Variants in ACOXL observed in about 807,000 individuals in gnomAD.
ACOXL encodes acyl-CoA oxidase like.
A neutral mutation model predicts 71.9 loss-of-function variants in ACOXL; 70 were observed. That is an observed-to-expected ratio of 0.97 (90% CI 0.80 to 1.19). ACOXL has a LOEUF of 1.19. Among genes scored for constraint, ACOXL ranks in the 50% most tolerant of loss-of-function variants. The pLI is 0.00. For synonymous variants in ACOXL, 253 were observed against 281.6 expected (o/e 0.90, Z 1.02); for missense variants, 703 against 736.3 (o/e 0.95, Z 0.52).
chr2:110,941,964 C>T (rs2060883687), intron 12 of ACOXL, among the ~76,000 whole-genome samples: 1 of 151,688 alleles, frequency 6.6e-6, no homozygotes, highest in Admixed American at 6.6e-5. Context: ...ACTGCTTAGA[C>T]AAAAATAATA....
At chr2:110,821,052 T>C (rs1430309531) in intron 9 of ACOXL, among the ~76,000 whole-genome samples, 1 of 152,160 alleles carries the variant, frequency 6.6e-6, no homozygotes, top group East Asian at 1.9e-4. Flanking sequence ...GAAAACTCTA[T>C]GGCAAGAACG....
At chr2:110,918,067 T>A (rs1481621793) in intron 11 of ACOXL, among the ~76,000 whole-genome samples, 1 of 152,242 alleles carries the variant, frequency 6.6e-6, no homozygotes, top group Non-Finnish European at 1.5e-5. Context: ...ACTTTAAATT[T>A]CATGTGGAAC....
intron 10 of ACOXL, among the ~76,000 whole-genome samples, chr2:110,850,813 CG>C (rs1432381810): frequency 1.3e-5 from 2 of 152,118 alleles, no homozygotes; most frequent in Non-Finnish European, 2.9e-5. Flanking sequence ...ATTACACTCC[CG>C]GATACTTAAA....
intron 14 of ACOXL, among the ~76,000 whole-genome samples, chr2:111,022,122 G>A (rs748461169): frequency 6.6e-6 from 1 of 152,182 alleles, no homozygotes; most frequent in Non-Finnish European, 1.5e-5. Context: ...GGAGGCCGAC[G>A]CGAGCAGATC....
intron 9 of ACOXL, among the ~76,000 whole-genome samples, chr2:110,829,422 G>A (rs1689560833): frequency 6.6e-6 from 1 of 152,184 alleles, no homozygotes; most frequent in African/African-American, 2.4e-5. Context: ...TCCTCGGGAA[G>A]TTGGTTCTTT....
chr2:111,004,357 C>T (rs10179223), intron 14 of ACOXL, among the ~76,000 whole-genome samples: 11,742 of 152,190 alleles, frequency 0.077, 1,485 homozygotes, highest in African/African-American at 0.27. Flanking sequence ...GCCCCTTACC[C>T]GGGAGCAAGT....
chr2:111,092,929 ACTT>A lies in ACOXL; in HGVS notation c.1506_1508del (p.Tyr502_Leu503delinsTer). On this transcript the variant is annotated stop_gained and inframe_deletion, in exon 17 of 18. Transcript: ENST00000439055. LOFTEE classifies it low-confidence loss of function (END_TRUNC). ...CGGGCCTGGTATTTAGAACATAAAT[ACTT>A]GACTCCCATGGCCAGCACGAGGATC... 6.2e-7 allele frequency: 1 copy of A among 1,614,056 alleles called. No individual in the cohort carries two copies. Among genetic ancestry groups the A allele is most frequent in the Non-Finnish European group, 8.5e-7 (1 of 1,179,992 alleles).
chr2:110,870,739 A>G (rs1393845046), intron 10 of ACOXL, among the ~76,000 whole-genome samples: 1 of 152,188 alleles, frequency 6.6e-6, no homozygotes, highest in Non-Finnish European at 1.5e-5. Context: ...ATTTTTCTAG[A>G]TATGATGTTT....
chr2:111,088,780 A>G (rs942349197), intron 16 of ACOXL, among the ~76,000 whole-genome samples: 3 of 152,170 alleles, frequency 2.0e-5, no homozygotes, highest in African/African-American at 7.2e-5. Context: ...CCTAAAATAA[A>G]AGTTAAAACA....
At chr2:111,117,056 C>A in intron 17 of ACOXL, among the ~76,000 whole-genome samples, 1 of 152,226 alleles carries the variant, frequency 6.6e-6, no homozygotes, top group East Asian at 1.9e-4. Context: ...CGCCGTCTCA[C>A]TGTACTGAAT....
intron 10 of ACOXL, 80 bp from the exon 11 acceptor site, chr2:110,908,709 C>A: frequency 8.9e-7 from 1 of 1,122,756 alleles, no homozygotes; most frequent in Non-Finnish European, 1.3e-6. Flanking sequence ...AAATGGCTAG[C>A]CAGCATTTTT....
chr2:110,769,260 AAG>A (rs1416331298), intron 2 of ACOXL, among the ~76,000 whole-genome samples: 9 of 151,924 alleles, frequency 5.9e-5, no homozygotes, highest in Non-Finnish European at 8.8e-5. Flanking sequence ...GAAAGAAAGA[AAG>A]AAAAAAATAC....
chr2:111,041,780 C>G (rs1048659035), intron 15 of ACOXL, among the ~76,000 whole-genome samples: 1 of 152,202 alleles, frequency 6.6e-6, no homozygotes, highest in African/African-American at 2.4e-5. Flanking sequence ...TGAGCTGTGC[C>G]GTCATCTCTT....
intron 11 of ACOXL, among the ~76,000 whole-genome samples, chr2:110,929,959 G>A (rs1364611297): frequency 6.6e-6 from 1 of 152,228 alleles, no homozygotes; most frequent in Non-Finnish European, 1.5e-5. Flanking sequence ...TGCAGGGGCG[G>A]GGCCCTCATG....
intron 17 of ACOXL, chr2:111,114,084 G>A (rs2070170484): frequency 6.6e-6 from 1 of 152,660 alleles, no homozygotes; most frequent in Non-Finnish European, 1.5e-5. Context: ...CGGTGATAAT[G>A]ACTGATACTT....
chr2:111,103,764 AT>A (rs144201238), intron 17 of ACOXL, among the ~76,000 whole-genome samples: 11,289 of 150,088 alleles, frequency 0.075, 648 homozygotes, highest in East Asian at 0.25. Context: ...TTATTCTGTG[AT>A]TTTTTTTTTA....
At chr2:110,784,668 C>A in intron 2 of ACOXL, 64 bp from the exon 3 acceptor site, 1 of 1,272,608 alleles carries the variant, frequency 7.9e-7, no homozygotes, top group Non-Finnish European at 1.1e-6. Flanking sequence ...CTTATAAAAA[C>A]TGTGAATTTA....
intron 14 of ACOXL, among the ~76,000 whole-genome samples, chr2:110,998,068 C>T (rs2063475746): frequency 6.6e-6 from 1 of 151,794 alleles, no homozygotes; most frequent in Non-Finnish European, 1.5e-5. Flanking sequence ...AATACGGAAG[C>T]TAAAAATATT....
At chr2:111,029,083 C>T (rs2065146664) in intron 14 of ACOXL, among the ~76,000 whole-genome samples, 1 of 152,200 alleles carries the variant, frequency 6.6e-6, no homozygotes, top group Admixed American at 6.5e-5. Flanking sequence ...TCCAGAGCTT[C>T]TGAAGACTTA....
Sources: allele counts gnomAD v4.1 joint callset (sites outside exome capture counted in the v4.1 genomes callset), GRCh38; gene constraint gnomAD v4.1.1; transcripts MANE v1.5; gene names NCBI Gene and HGNC (gene_info 2026-07-23, HGNC 2026-07-21).